Variants in CPA6 observed in about 807,000 individuals in gnomAD.
CPA6 encodes the protein carboxypeptidase A6.
In CPA6, 58 loss-of-function variants were observed where a neutral mutation model predicts 63.3. That is an observed-to-expected ratio of 0.92 (90% CI 0.74 to 1.14). The LOEUF (loss-of-function observed/expected upper bound fraction) is 1.14. Among genes scored for constraint, CPA6 ranks in the 50% most tolerant of loss-of-function variants. CPA6 has a pLI of 0.00. For synonymous variants in CPA6, 185 were observed against 179.0 expected, an observed-to-expected ratio of 1.03 and a Z score of -0.27; for missense variants, 565 against 526.6, an observed-to-expected ratio of 1.07 and a Z score of -0.71.
intron 8 of CPA6, among the ~76,000 whole-genome samples, chr8:67,438,117 C>T (rs1409504255): frequency 6.6e-6 from 1 of 152,118 alleles, no homozygotes. Context: ...GGGGTTTCAC[C>T]ATGTTTGCCA....
At chr8:67,488,685 G>A (rs1301157812) in intron 6 of CPA6, among the ~76,000 whole-genome samples, 2 of 152,186 alleles carry the variant, frequency 1.3e-5, no homozygotes, top group South Asian at 2.1e-4. Context: ...CTATCCATGA[G>A]CATGGAATGT....
At chr8:67,654,616 T>C (rs1242272318) in intron 1 of CPA6, among the ~76,000 whole-genome samples, 1 of 152,182 alleles carries the variant, frequency 6.6e-6, no homozygotes, top group African/African-American at 2.4e-5. Context: ...TTATTGTGTC[T>C]GTTTGATTCT....
chr8:67,644,587 T>C (rs1338594724), intron 1 of CPA6, among the ~76,000 whole-genome samples: 1 of 152,238 alleles, frequency 6.6e-6, no homozygotes, highest in African/African-American at 2.4e-5. Flanking sequence ...AAGCATGTTC[T>C]TGCTGTTAGA....
chr8:67,539,749 A>G lies in CPA6; in HGVS notation c.193-21702T>C, dbSNP rs148518211. ...CTTCGTGCTTTATTTCATTAAGTTGATCTTCAATCTCTGGTATCCTTTCTT... is the reference window on the plus strand; with the variant it reads ...CTTCGTGCTTTATTTCATTAAGTTGGTCTTCAATCTCTGGTATCCTTTCTT... On this transcript the variant is annotated intron_variant, in intron 2 of 10. Transcript: ENST00000297770. Among the ~76,000 whole-genome samples the G allele has an allele frequency of 2.8e-3, 427 of 151,934 alleles. 1 individual carries two copies. Among genetic ancestry groups the G allele is most frequent in the African/African-American group, 9.5e-3 (395 of 41,420 alleles).
At chr8:67,624,138 A>G in intron 2 of CPA6, 38 bp downstream of exon 2, 1 of 1,256,340 alleles carries the variant, frequency 8.0e-7, no homozygotes, top group Non-Finnish European at 1.2e-6. Flanking sequence ...ACACTCCACA[A>G]GCACAATTCT....
At chr8:67,497,615 T>C (rs1811747086) in intron 6 of CPA6, among the ~76,000 whole-genome samples, 1 of 152,140 alleles carries the variant, frequency 6.6e-6, no homozygotes, top group Non-Finnish European at 1.5e-5. Context: ...AATTTTGGGG[T>C]CACATAGTAA....
intron 1 of CPA6, among the ~76,000 whole-genome samples, chr8:67,639,896 C>A (rs1282558195): frequency 6.6e-6 from 1 of 151,350 alleles, no homozygotes. Context: ...TAGTTCCTCT[C>A]TATAGCCAGG....
chr8:67,592,624 A>G (rs1814164096), intron 2 of CPA6, among the ~76,000 whole-genome samples: 2 of 151,848 alleles, frequency 1.3e-5, no homozygotes, highest in South Asian at 4.2e-4. Context: ...GGGAGAGTGT[A>G]TGTGTCGAGG....
At chr8:67,509,428 C>A in intron 5 of CPA6, 89 bp downstream of exon 5, 1 of 628,390 alleles carries the variant, frequency 1.6e-6, no homozygotes, top group South Asian at 2.0e-5. Context: ...TATAAAAGAT[C>A]ATTTCATTTC....
At chr8:67,587,166 GC>G (rs1337164360) in intron 2 of CPA6, among the ~76,000 whole-genome samples, 2 of 152,212 alleles carry the variant, frequency 1.3e-5, no homozygotes, top group Non-Finnish European at 2.9e-5. Flanking sequence ...AGTAAAGGGG[GC>G]CTTGAAATAT....
In CPA6 at chr8:67,587,222, A is replaced by G. The variant is rs113558195; in HGVS notation, c.192+36954T>C. 4.8e-3 allele frequency among the ~76,000 whole-genome samples: 732 copies of G among 152,104 alleles called. 4 individuals carry two copies. The highest frequency in any genetic ancestry group is 7.2e-3 in the Non-Finnish European group (492 of 67,990). ...TAAATACCTAAGGTAATTGTGATGG[A>G]TAGTGCTTGAAGTATCTCCTTTCGA... On this transcript the variant is annotated intron_variant, in intron 2 of 10. Transcript: ENST00000297770.
intron 1 of CPA6, among the ~76,000 whole-genome samples, chr8:67,677,469 A>G (rs1816502007): frequency 6.6e-6 from 1 of 151,690 alleles, no homozygotes. Flanking sequence ...GTTATCAAGG[A>G]GCCCTTATAA....
chr8:67,516,404 G>A (rs1293511873), intron 3 of CPA6, among the ~76,000 whole-genome samples: 1 of 152,112 alleles, frequency 6.6e-6, no homozygotes. Flanking sequence ...CATCATCGAT[G>A]TCTCCCTCCC....
chr8:67,512,007 T>C lies in CPA6; in HGVS notation c.318-352A>G, dbSNP rs554908174. ...CAGGCACTGTGCTGTGTCTTTTATG[T>C]ACATAATCTTAGCTAATAGCCCTAT... is the stretch of plus-strand genomic sequence containing the variant. On this transcript the variant is annotated intron_variant, in intron 3 of 10. Transcript: ENST00000297770. Among the ~76,000 whole-genome samples the C allele has an allele frequency of 4.6e-5, 7 of 152,350 alleles. No individual in the cohort carries two copies. In the East Asian group the frequency reaches 1.3e-3, roughly 29 times the overall value.
intron 2 of CPA6, among the ~76,000 whole-genome samples, chr8:67,546,086 T>C (rs922953515): frequency 7.2e-5 from 11 of 152,036 alleles, no homozygotes; most frequent in Admixed American, 7.2e-4. Flanking sequence ...CCTTACTATA[T>C]CCCTCCCACC....
intron 1 of CPA6, among the ~76,000 whole-genome samples, chr8:67,653,920 A>G (rs547567518): frequency 7.3e-4 from 111 of 151,618 alleles, no homozygotes; most frequent in African/African-American, 2.5e-3. Context: ...CGTCCCATCA[A>G]TACCTAATTT....
chr8:67,427,969 C>T, intron 10 of CPA6, 78 bp downstream of exon 10: 1 of 936,230 alleles, frequency 1.1e-6, no homozygotes, highest in East Asian at 2.5e-5. Context: ...CACACTTTCT[C>T]CCTTCTAAAA....
At chr8:67,471,719 C>T (rs769072942) in intron 8 of CPA6, among the ~76,000 whole-genome samples, 22 of 152,152 alleles carry the variant, frequency 1.4e-4, no homozygotes, top group Non-Finnish European at 2.2e-4. Flanking sequence ...CATTTACCTA[C>T]ATCTGTGTTT....
intron 2 of CPA6, among the ~76,000 whole-genome samples, chr8:67,569,185 C>T (rs1187188041): frequency 6.6e-6 from 1 of 152,090 alleles, no homozygotes; most frequent in Non-Finnish European, 1.5e-5. Flanking sequence ...ATATAATAAT[C>T]AAACTGTCAA....
Sources: allele counts gnomAD v4.1 joint callset (sites outside exome capture counted in the v4.1 genomes callset), GRCh38; gene constraint gnomAD v4.1.1; transcripts MANE v1.5; gene names NCBI Gene and HGNC (gene_info 2026-07-23, HGNC 2026-07-21).